The following ROR1 variants were observed in gnomAD, a reference collection of about 807,000 sequenced individuals.
The protein encoded by ROR1 is ROR family WNT receptor 1.
Under a neutral mutation model 78.8 loss-of-function variants are expected in ROR1, and 19 were observed. That is an observed-to-expected ratio of 0.24 (90% CI 0.17 to 0.35). ROR1 has a LOEUF of 0.35. Among genes scored for constraint, ROR1 ranks in the 10% least tolerant of loss-of-function variants. The probability of loss-of-function intolerance (pLI) is 1.00; values close to 1 mark genes in which losing one functional copy is unlikely to be tolerated. For missense variants in ROR1, 917 were observed against 1,177.8 expected, an observed-to-expected ratio of 0.78 and a Z score of 3.24; for synonymous variants, 386 against 433.6, an observed-to-expected ratio of 0.89 and a Z score of 1.36.
At chr1:64,003,315 A>T (rs188173418) in intron 1 of ROR1, among the ~76,000 whole-genome samples, 4 of 152,198 alleles carry the variant, frequency 2.6e-5, no homozygotes, top group African/African-American at 9.7e-5. Flanking sequence ...TATAAGAATT[A>T]TGCTGATTAC....
chr1:64,046,598 C>T (rs977745371), intron 2 of ROR1, among the ~76,000 whole-genome samples: 1 of 152,178 alleles, frequency 6.6e-6, no homozygotes, highest in Non-Finnish European at 1.5e-5. Context: ...GCACCCATGG[C>T]TAAAGCTTAG....
intron 1 of ROR1, among the ~76,000 whole-genome samples, chr1:63,970,249 A>G (rs1167871887): frequency 6.6e-6 from 1 of 152,218 alleles, no homozygotes; most frequent in South Asian, 2.1e-4. Flanking sequence ...CACCATTAAG[A>G]CACTGCTTGG....
chr1:63,870,200 C>T (rs756269487), intron 1 of ROR1, among the ~76,000 whole-genome samples: 11 of 152,170 alleles, frequency 7.2e-5, no homozygotes, highest in Non-Finnish European at 1.5e-4. Context: ...TCCCCATTCT[C>T]CTCTCCCCAT....
intron 2 of ROR1, among the ~76,000 whole-genome samples, chr1:64,010,654 C>G (rs1318879818): frequency 6.6e-6 from 1 of 151,820 alleles, no homozygotes; most frequent in Non-Finnish European, 1.5e-5. Flanking sequence ...TGGTTGTGTC[C>G]CCACCCAAAT....
chr1:64,178,984 G>T lies in ROR1; in HGVS notation c.*129G>T. ...CATCGCAACAAGTACCTTCTGTGAA[G>T]TTTCACTGTGTCTTACCAAGCAGGA... On this transcript the variant is annotated 3_prime_UTR_variant, in exon 9 of 9. Transcript: ENST00000371079. This position sits in a 1 kb window ranked among gnomAD's most constrained non-coding sequence, Gnocchi z 4.3. The T allele has an allele frequency of 1.8e-5, 7 of 395,788 alleles. No individual in the cohort carries two copies. The highest frequency in any genetic ancestry group is 4.4e-5 in the Admixed American group (1 of 22,678). The allele number at this position is 395,788 out of a possible 1,614,324, so 24.5% of individuals were successfully genotyped here.
chr1:64,079,373 A>G (rs1219577677), intron 4 of ROR1, among the ~76,000 whole-genome samples: 1 of 152,156 alleles, frequency 6.6e-6, no homozygotes, highest in Non-Finnish European at 1.5e-5. Context: ...CTAACATATC[A>G]TAGATACTTA....
intron 1 of ROR1, chr1:63,843,120 G>A (rs2100317812): frequency 1.5e-6 from 1 of 664,334 alleles, no homozygotes; most frequent in Middle Eastern, 4.4e-4. Context: ...CTGGGAGGAA[G>A]GGGACGGCCT....
At chr1:64,065,078 T>C (rs17126087) in intron 4 of ROR1, among the ~76,000 whole-genome samples, 23,888 of 152,164 alleles carry the variant, frequency 0.16, 2,798 homozygotes, top group African/African-American at 0.33. Flanking sequence ...AGGCTGAAAA[T>C]GGAGACAGTA....
At chr1:63,977,193 A>G (rs1283679525) in intron 1 of ROR1, among the ~76,000 whole-genome samples, 1 of 152,132 alleles carries the variant, frequency 6.6e-6, no homozygotes, top group African/African-American at 2.4e-5. Flanking sequence ...CCCATGACAC[A>G]TGGGGAATTA....
chr1:63,924,553 C>A (rs1425627408), intron 1 of ROR1, among the ~76,000 whole-genome samples: 2 of 152,094 alleles, frequency 1.3e-5, no homozygotes, highest in African/African-American at 2.4e-5. Context: ...TCTCATACAG[C>A]CTACTGCCTC....
In ROR1 at chr1:64,180,038, T is replaced by G. The variant is rs1183239856; in HGVS notation, c.*1183T>G. 6.6e-6 allele frequency: 1 copy of G among 152,218 alleles called. No individual in the cohort carries two copies. Among genetic ancestry groups the G allele is most frequent in the Non-Finnish European group, 1.5e-5 (1 of 68,034 alleles). The allele number at this position is 152,218 out of a possible 1,614,324, so 9.4% of individuals were successfully genotyped here. A position where few individuals can be genotyped will look rare whatever the true frequency, so the allele number is the denominator to read the frequency against. On this transcript the variant is annotated 3_prime_UTR_variant, in exon 9 of 9. Coordinates refer to ENST00000371079, the MANE Select transcript of ROR1 (RefSeq NM_005012.4). ...GCAATTAATTCTATTTTGCAAAATA[T>G]GATGGTCTTCCTAAAAAACAAGTAC...
At chr1:64,140,817 C>A (rs1046570269) in intron 6 of ROR1, among the ~76,000 whole-genome samples, 1 of 152,046 alleles carries the variant, frequency 6.6e-6, no homozygotes, top group Non-Finnish European at 1.5e-5. Context: ...AGTAGAGGAG[C>A]GGTTAAACAA....
intron 1 of ROR1, among the ~76,000 whole-genome samples, chr1:63,837,073 A>G (rs1471450013): frequency 6.6e-6 from 1 of 152,198 alleles, no homozygotes. Context: ...AAAGAAAGGT[A>G]GTCAAGCGTC....
Position 64,177,519 on chromosome 1 carries a change from A to G in ROR1, c.1478A>G (p.Tyr493Cys). The change falls in exon 9 of 9, where the codon TAT becomes TGT. Residue 493 changes from tyrosine to cysteine, a missense_variant. Tyr to Cys is a radical substitution (Grantham distance 194, BLOSUM62 -2). Coordinates refer to ENST00000371079, the MANE Select transcript of ROR1 (RefSeq NM_005012.4). ...AFGKIYKGHL[Y>C]LPGMDHAQLV... Reference sequence around the variant, plus strand: ...GGAAAAATCTATAAAGGCCATCTCTATCTCCCAGGCATGGACCATGCTCAG... The same window carrying G: ...GGAAAAATCTATAAAGGCCATCTCTGTCTCCCAGGCATGGACCATGCTCAG... 1 of 1,614,182 alleles carries G rather than the reference A, an allele frequency of 6.2e-7. No individual in the cohort carries two copies. The highest frequency in any genetic ancestry group is 1.1e-5 in the South Asian group (1 of 91,082).
At chr1:64,035,765 A>G (rs148989248) in intron 2 of ROR1, among the ~76,000 whole-genome samples, 5 of 152,220 alleles carry the variant, frequency 3.3e-5, no homozygotes, top group African/African-American at 1.2e-4. Flanking sequence ...GTGGAGGGAG[A>G]TTCCTGATCT....
intron 4 of ROR1, among the ~76,000 whole-genome samples, chr1:64,085,066 C>T (rs1185783728): frequency 6.6e-6 from 1 of 152,134 alleles, no homozygotes; most frequent in Non-Finnish European, 1.5e-5. Context: ...AAATAATTTT[C>T]TTTTTCCTTT....
chr1:64,004,097 A>G (rs1646408878), intron 1 of ROR1, among the ~76,000 whole-genome samples: 1 of 152,240 alleles, frequency 6.6e-6, no homozygotes, highest in Non-Finnish European at 1.5e-5. Flanking sequence ...CTCAGTGAGA[A>G]GTCAGCATGT....
intron 1 of ROR1, chr1:63,843,464 C>T (rs1645061783): frequency 2.6e-6 from 2 of 757,618 alleles, no homozygotes; most frequent in East Asian, 6.0e-5. Flanking sequence ...CCTTATCTGG[C>T]AGCATCCTGA....
At chr1:63,878,713 G>A (rs613440) in intron 1 of ROR1, among the ~76,000 whole-genome samples, 139,743 of 151,972 alleles carry the variant, frequency 0.92, 64,329 homozygotes, top group East Asian at 1. Context: ...AGCCCTGTCT[G>A]CTCCATCTGC....
Sources: allele counts gnomAD v4.1 joint callset (sites outside exome capture counted in the v4.1 genomes callset), GRCh38; gene constraint gnomAD v4.1.1; non-coding constraint Gnocchi (gnomAD v3.1); transcripts MANE v1.5; gene names NCBI Gene and HGNC (gene_info 2026-07-23, HGNC 2026-07-21).